Variants in C8orf74 observed in about 807,000 individuals in gnomAD.
The protein encoded by C8orf74 is uncharacterized protein C8orf74.
A neutral mutation model predicts 22.2 loss-of-function variants in C8orf74; 29 were observed. That is an observed-to-expected ratio of 1.31 (90% confidence interval 0.97 to 1.78). C8orf74 has a LOEUF of 1.78. Among genes scored for constraint, C8orf74 ranks in the 40% most tolerant of loss-of-function variants. The pLI is 0.00. For missense variants in C8orf74, 515 were observed against 369.9 expected (o/e 1.39, Z -3.22); for synonymous variants, 255 against 163.1 (o/e 1.56, Z -4.30).
chr8:10,679,076 G>C (rs980816702), intron 2 of C8orf74, among the ~76,000 whole-genome samples: 7 of 152,180 alleles, frequency 4.6e-5, no homozygotes, highest in Admixed American at 4.6e-4. Flanking sequence ...TGGGGACCCG[G>C]TTTTGCCATT....
At chr8:10,683,851 G>A (rs1799206380) in intron 2 of C8orf74, among the ~76,000 whole-genome samples, 1 of 152,228 alleles carries the variant, frequency 6.6e-6, no homozygotes, top group Non-Finnish European at 1.5e-5. Flanking sequence ...GACCTACTCT[G>A]CCAGTGAGCG....
chr8:10,680,420 C>T (rs1799124681), intron 2 of C8orf74, among the ~76,000 whole-genome samples: 2 of 152,232 alleles, frequency 1.3e-5, no homozygotes, highest in Admixed American at 6.5e-5. Context: ...AATCAATGTT[C>T]GCTACCATAT....
At chr8:10,673,214 A>C (rs1798954245) in intron 1 of C8orf74, among the ~76,000 whole-genome samples, 1 of 152,078 alleles carries the variant, frequency 6.6e-6, no homozygotes, top group Admixed American at 6.5e-5. Context: ...GCCTCAGGAA[A>C]GCAACACTCT....
chr8:10,688,714 G>A (rs1355496367), intron 2 of C8orf74: 1 of 152,368 alleles, frequency 6.6e-6, no homozygotes. Context: ...GATGAGGTCA[G>A]GAGGGATGCA....
chr8:10,677,879 C>A (rs1215088923), intron 2 of C8orf74, among the ~76,000 whole-genome samples: 1 of 152,196 alleles, frequency 6.6e-6, no homozygotes, highest in Non-Finnish European at 1.5e-5. Flanking sequence ...AACCATTTCC[C>A]CATCCTGCCC....
chr8:10,689,736 A>G lies in C8orf74; in HGVS notation c.242-7863A>G, dbSNP rs939751224. ...ATGTATTATGTACTGTGTTCTTACA[A>G]TAAAGTAGGCTGAAGAAAAGAAAGT... On this transcript the variant is annotated intron_variant, in intron 2 of 3. Transcript: ENST00000304519. 6 of 152,254 alleles carry G rather than the reference A, an allele frequency of 3.9e-5. No individual in the cohort carries two copies. The South Asian group carries it at 6.2e-4, about 16-fold the overall frequency. 9.4% of individuals were successfully genotyped at this position (152,254 alleles called of 1,614,324 possible).
At chr8:10,674,889 G>A (rs1799000836) in intron 2 of C8orf74, 51 bp downstream of exon 2, 6 of 1,460,242 alleles carry the variant, frequency 4.1e-6, no homozygotes, top group South Asian at 2.6e-5. Flanking sequence ...GATGGGGTGG[G>A]TACACATAGA....
chr8:10,683,867 T>C (rs908944520), intron 2 of C8orf74, among the ~76,000 whole-genome samples: 7 of 152,334 alleles, frequency 4.6e-5, no homozygotes, highest in African/African-American at 1.7e-4. Context: ...GAGCGGCCGG[T>C]GCTTCTGGAC....
chr8:10,694,875 A>G (rs1200701065), intron 2 of C8orf74, among the ~76,000 whole-genome samples: 1 of 152,030 alleles, frequency 6.6e-6, no homozygotes, highest in East Asian at 1.9e-4. Flanking sequence ...AGAGTGGATG[A>G]ATGAATGGAT....
chr8:10,687,615 C>CAAAAA (rs374455264), intron 2 of C8orf74, among the ~76,000 whole-genome samples: 121 of 52,272 alleles, frequency 2.3e-3, no homozygotes, highest in Middle Eastern at 0.011. Context: ...GACTCCATCT[C>CAAAAA]AAAAAAAAAA....
chr8:10,674,562 C>A (rs1798987929), intron 1 of C8orf74, 84 bp from the exon 2 acceptor site: 1 of 943,754 alleles, frequency 1.1e-6, no homozygotes, highest in African/African-American at 1.8e-5. Context: ...CACCCTATAG[C>A]CCCCATATCA....
chr8:10,686,673 T>C lies in C8orf74; in HGVS notation c.242-10926T>C, dbSNP rs552714296. 1.6e-3 allele frequency: 252 copies of C among 159,174 alleles called. 3 individuals carry two copies. Among genetic ancestry groups the C allele is most frequent in the Middle Eastern group, 0.013 (4 of 300 alleles). The allele number at this position is 159,174 out of a possible 1,614,324, so 9.9% of individuals were successfully genotyped here. ...GGATGGGAGACCGCCCTGGAATACC[T>C]GGTGGTATTAAAAAATTAATTAATT... On this transcript the variant is annotated intron_variant, in intron 2 of 3. Coordinates refer to ENST00000304519, the MANE Select transcript of C8orf74 (RefSeq NM_001040032.2).
chr8:10,682,049 G>A (rs943850417), intron 2 of C8orf74, among the ~76,000 whole-genome samples: 16 of 152,316 alleles, frequency 1.1e-4, no homozygotes, highest in African/African-American at 3.4e-4. Context: ...CGGTCTGCCC[G>A]GCAGCCCTGA....
chr8:10,687,427 A>T (rs976234671), intron 2 of C8orf74, among the ~76,000 whole-genome samples: 32 of 152,162 alleles, frequency 2.1e-4, no homozygotes, highest in African/African-American at 7.7e-4. Context: ...AGGCGGGTGT[A>T]TCACCTGAGA....
rs762279105 is a variant in C8orf74, at chr8:10,698,019, C to T, written c.648+14C>T. On this transcript the variant is annotated intron_variant, in intron 3 of 3. Transcript: ENST00000304519. ...CTGGAGAGACAGGTGAGGCTCTGCCCCCCTGCCGTGGGTGGGCACCTGGGC... is the reference window on the plus strand; with the variant it reads ...CTGGAGAGACAGGTGAGGCTCTGCCTCCCTGCCGTGGGTGGGCACCTGGGC... 13 of 1,453,328 alleles carry T rather than the reference C, an allele frequency of 8.9e-6. No homozygotes were observed. The highest frequency in any genetic ancestry group is 1.2e-5 in the Non-Finnish European group (13 of 1,106,850). The allele number at this position is 1,453,328 out of a possible 1,614,324, so 90.0% of individuals were successfully genotyped here. A position where few individuals can be genotyped will look rare whatever the true frequency, so the allele number is the denominator to read the frequency against.
At chr8:10,690,655 G>A (rs556743848) in intron 2 of C8orf74, among the ~76,000 whole-genome samples, 4 of 152,232 alleles carry the variant, frequency 2.6e-5, no homozygotes, top group East Asian at 1.9e-4. Context: ...AGCCTTCCCC[G>A]TTTCCAGCCC....
At chr8:10,695,243 A>T (rs1451500359) in intron 2 of C8orf74, among the ~76,000 whole-genome samples, 1 of 152,164 alleles carries the variant, frequency 6.6e-6, no homozygotes, top group Non-Finnish European at 1.5e-5. Flanking sequence ...TGAAGTCAGT[A>T]TCACTATTCT....
rs758133883 is a variant in C8orf74 at position 10,672,653 on chromosome 8, A to T, written c.-13A>T. ...AGTCTGGCTCCGTCTCCTGGCAACC[A>T]GATGCAGGGGCCATGGCACTCTTAA... On this transcript the variant is annotated 5_prime_UTR_variant, in exon 1 of 4. Transcript: ENST00000304519. 3.8e-6 allele frequency: 6 copies of T among 1,561,974 alleles called. No homozygotes were observed. In the East Asian group the frequency reaches 1.4e-4, roughly 37 times the overall value.
chr8:10,700,180 C>A, intron 3 of C8orf74, 55 bp from the exon 4 acceptor site: 2 of 1,170,172 alleles, frequency 1.7e-6, no homozygotes, highest in Non-Finnish European at 2.4e-6. Flanking sequence ...GAGTTGAGAA[C>A]TGGATCCGGC....
Sources: allele counts gnomAD v4.1 joint callset (sites outside exome capture counted in the v4.1 genomes callset), GRCh38; gene constraint gnomAD v4.1.1; transcripts MANE v1.5; gene names NCBI Gene and HGNC (gene_info 2026-07-23, HGNC 2026-07-21).